The following NCKAP1 variants were observed in gnomAD, a reference collection of about 807,000 sequenced individuals.
NCKAP1 encodes NCK associated protein 1.
NCKAP1 carries 21 observed loss-of-function variants against 151.2 expected under a neutral mutation model. That is an observed-to-expected ratio of 0.14 (90% confidence interval 0.10 to 0.20). The LOEUF is 0.20. NCKAP1 is among the 10% of genes least tolerant of loss of function. The pLI is 1.00. For missense variants in NCKAP1, 933 were observed against 1,352.1 expected (o/e 0.69, Z 4.86); for synonymous variants, 484 against 451.8 (o/e 1.07, Z -0.90).
intron 26 of NCKAP1, among the ~76,000 whole-genome samples, chr2:182,932,343 C>G (rs1040703215): frequency 5.3e-5 from 8 of 151,744 alleles, no homozygotes; most frequent in Non-Finnish European, 1.0e-4. Context: ...GAAAATATGC[C>G]AAGTGAAAGA....
chr2:182,983,074 C>CT, intron 11 of NCKAP1, 147 bp from the exon 12 acceptor site: 2 of 708,814 alleles, frequency 2.8e-6, no homozygotes, highest in East Asian at 5.4e-5. Flanking sequence ...ACAAGAGAAC[C>CT]TGTAAGTATG....
intron 6 of NCKAP1, 102 bp downstream of exon 6, chr2:183,001,851 T>A: frequency 1.1e-6 from 1 of 920,912 alleles, no homozygotes; most frequent in Non-Finnish European, 1.7e-6. Context: ...TTATATCCCA[T>A]TATAGTATTT....
intron 30 of NCKAP1, 22 bp from the exon 31 acceptor site, chr2:182,925,840 TCAAAA>T: frequency 7.5e-7 from 1 of 1,330,702 alleles, no homozygotes; most frequent in African/African-American, 1.5e-5. Context: ...AAAAAATCCA[TCAAAA>T]CAAGTTATTT....
At chr2:182,949,709 G>A (rs1346838644) in intron 23 of NCKAP1, among the ~76,000 whole-genome samples, 4 of 152,288 alleles carry the variant, frequency 2.6e-5, no homozygotes, top group African/African-American at 4.8e-5. Context: ...TGACAGAATC[G>A]CCTGAGCCCA....
At position 182,916,850 on chromosome 2, in the gene NCKAP1, A is replaced by G. The variant is rs1397197425; in HGVS notation, c.*8852T>C. 1 of 152,234 alleles carries G rather than the reference A, an allele frequency of 6.6e-6. No homozygotes were observed. Among genetic ancestry groups the G allele is most frequent in the Admixed American group, 6.5e-5 (1 of 15,280 alleles). 9.4% of individuals were successfully genotyped at this position (152,234 alleles called of 1,614,324 possible). The stretch of plus-strand genomic sequence containing the variant: ...ATTAATTTTAGCATCGTTTTCTGTT[A>G]AAGTTACATGACAGGGAAAATAATC... On this transcript the variant is annotated 3_prime_UTR_variant, in exon 31 of 31. Transcript: ENST00000361354.
intron 2 of NCKAP1, among the ~76,000 whole-genome samples, chr2:183,016,174 T>C (rs1318173632): frequency 6.6e-6 from 1 of 152,212 alleles, no homozygotes; most frequent in Non-Finnish European, 1.5e-5. Flanking sequence ...AGATATTCAC[T>C]TTTCATCCTA....
chr2:182,941,963 C>T, intron 24 of NCKAP1, 107 bp downstream of exon 24: 1 of 845,134 alleles, frequency 1.2e-6, no homozygotes. Flanking sequence ...CTAAAGAGTA[C>T]TTTTCATAAT....
intron 23 of NCKAP1, among the ~76,000 whole-genome samples, chr2:182,948,324 C>CA (rs1323240414): frequency 6.6e-6 from 1 of 151,842 alleles, no homozygotes; most frequent in Non-Finnish European, 1.5e-5. Context: ...AAGCTAACAT[C>CA]AAAAGTTTTC....
At chr2:182,968,065 A>G (rs974808469) in intron 15 of NCKAP1, among the ~76,000 whole-genome samples, 3 of 152,218 alleles carry the variant, frequency 2.0e-5, no homozygotes, top group African/African-American at 4.8e-5. Flanking sequence ...TGCAAAGAAG[A>G]GAAGGGAAAT....
chr2:182,978,826 C>T lies in NCKAP1; in HGVS notation c.1423+8G>A, dbSNP rs1388314678. 2 of 1,513,374 alleles carry T rather than the reference C, an allele frequency of 1.3e-6. No homozygotes were observed. The highest frequency in any genetic ancestry group is 2.8e-5 in the African/African-American group (2 of 72,374). 93.7% of individuals were successfully genotyped at this position (1,513,374 alleles called of 1,614,324 possible). ...AGAAAATATGCTTTTATTTAAAAGG[C>T]TTATTACCTTGTTTTACACTTAGGG... On this transcript the variant is annotated splice_region_variant and intron_variant, in intron 14 of 30. Transcript: ENST00000361354.
intron 19 of NCKAP1, 24 bp downstream of exon 19, chr2:182,957,433 G>C (rs751178478): frequency 1.1e-4 from 171 of 1,593,220 alleles, no homozygotes; most frequent in Non-Finnish European, 1.3e-4. Flanking sequence ...GGAGCAAAAA[G>C]GTATAATATA....
chr2:182,982,946 G>C lies in NCKAP1; in HGVS notation c.1102-19C>G. 1 of 1,539,362 alleles carries C rather than the reference G, an allele frequency of 6.5e-7. No individual in the cohort carries two copies. The highest frequency in any genetic ancestry group is 2.3e-5 in the East Asian group (1 of 44,024). On this transcript the variant is annotated intron_variant, in intron 11 of 30. Transcript: ENST00000361354. The stretch of plus-strand genomic sequence containing the variant: ...AAAGTGCCTGTTTAAAAAAAAGTAA[G>C]TGTTTATTCTTATTCAAAGATTAAA...
At chr2:182,943,130 G>A (rs1697031023) in intron 23 of NCKAP1, among the ~76,000 whole-genome samples, 2 of 152,072 alleles carry the variant, frequency 1.3e-5, no homozygotes, top group African/African-American at 2.4e-5. Flanking sequence ...CTCAGCCCTT[G>A]TACACATCAC....
Position 183,014,343 on chromosome 2 carries a change from C to A in NCKAP1, c.219+9463G>T, listed in dbSNP as rs1021893455. Among the ~76,000 whole-genome samples the A allele has an allele frequency of 2.0e-5, 3 of 152,056 alleles. No individual in the cohort carries two copies. In the East Asian group the frequency reaches 5.8e-4, roughly 29 times the overall value. On this transcript the variant is annotated intron_variant, in intron 2 of 30. Transcript: ENST00000361354. Reference sequence around the variant, plus strand: ...TTTAAGCACAGACCTGAAAGACAAGCTAGCCTAGTGAAAGAACATGGGAAA... The same window carrying A: ...TTTAAGCACAGACCTGAAAGACAAGATAGCCTAGTGAAAGAACATGGGAAA...
In NCKAP1 at chr2:183,038,094, C is replaced by G. The variant is rs1026499786; in HGVS notation, c.6G>C (p.Ser2=). 2 of 1,568,726 alleles carry G rather than the reference C, an allele frequency of 1.3e-6. No homozygotes were observed. Among genetic ancestry groups the G allele is most frequent in the African/African-American group, 1.4e-5 (1 of 71,336 alleles). M[S]RSVLQPSQQK... ...GCTGACTGGGCTGCAGCACTGAGCG[C>G]GACATGGTGGTGCTGGTGCCGCCGC... is the stretch of plus-strand genomic sequence containing the variant. Residue 2 remains serine, a synonymous_variant, in exon 1 of 31, where the codon TCG becomes TCC. Transcript: ENST00000361354.
At chr2:182,974,332 G>T (rs1697762054) in intron 15 of NCKAP1, among the ~76,000 whole-genome samples, 1 of 151,038 alleles carries the variant, frequency 6.6e-6, no homozygotes, top group Non-Finnish European at 1.5e-5. Flanking sequence ...TCTAAACGTG[G>T]TTAACAGCAA....
At chr2:183,030,817 T>C (rs1698991529) in intron 1 of NCKAP1, among the ~76,000 whole-genome samples, 1 of 152,332 alleles carries the variant, frequency 6.6e-6, no homozygotes, top group South Asian at 2.1e-4. Context: ...TATTACAGTA[T>C]GAAAATTGTC....
chr2:182,969,708 TA>T (rs1307922987), intron 15 of NCKAP1, among the ~76,000 whole-genome samples: 1 of 151,834 alleles, frequency 6.6e-6, no homozygotes, highest in Non-Finnish European at 1.5e-5. Flanking sequence ...AAAGACCAAA[TA>T]ACCTAATAAT....
chr2:182,925,627 G>T lies in NCKAP1; in HGVS notation c.*75C>A. 1 of 734,334 alleles carries T rather than the reference G, an allele frequency of 1.4e-6. No individual in the cohort carries two copies. Among genetic ancestry groups the T allele is most frequent in the Non-Finnish European group, 2.1e-6 (1 of 470,520 alleles). 45.5% of individuals were successfully genotyped at this position (734,334 alleles called of 1,614,324 possible). On this transcript the variant is annotated 3_prime_UTR_variant, in exon 31 of 31. Coordinates refer to ENST00000361354, the MANE Select transcript of NCKAP1 (RefSeq NM_013436.5). ...CCACAAAACTTTTTCAGGTCTTAAG[G>T]TAAAATAGTTCCACAGTCTACAGGT...
Sources: gnomAD v4.1 joint callset for allele counts (sites outside exome capture counted in the v4.1 genomes callset) on GRCh38, gnomAD v4.1.1 for gene constraint, MANE v1.5 for transcripts, NCBI Gene and HGNC (gene_info 2026-07-23, HGNC 2026-07-21) for gene names.